The following ATP10B variants were observed in gnomAD, a reference collection of about 807,000 sequenced individuals.
The protein encoded by ATP10B is ATPase phospholipid transporting 10B (putative), also known as phospholipid-transporting ATPase VB.
In ATP10B, 122 loss-of-function variants were observed where a neutral mutation model predicts 141.2. The observed-to-expected ratio is 0.86, with a 90% CI of 0.75 to 1.00. The LOEUF (loss-of-function observed/expected upper bound fraction) is 1.00. Ranked by LOEUF, ATP10B falls within the 50% of genes least tolerant of loss-of-function variation. The pLI, the probability that ATP10B is intolerant of heterozygous loss-of-function variation, is 0.00. For synonymous variants in ATP10B, 685 were observed against 692.0 expected (o/e 0.99, Z 0.16); for missense variants, 1,876 against 1,825.3 (o/e 1.03, Z -0.51).
the ATP10B span, among the ~76,000 whole-genome samples, chr5:160,861,629 ACATT>A: frequency 6.6e-6 from 1 of 151,856 alleles, no homozygotes; most frequent in African/African-American, 2.4e-5. Context: ...GCAGTAGAAG[ACATT>A]CATAATTATT....
chr5:160,863,415 T>C, the ATP10B span, among the ~76,000 whole-genome samples: 1 of 151,702 alleles, frequency 6.6e-6, no homozygotes, highest in African/African-American at 2.4e-5. Context: ...TGTTAAAAAG[T>C]AACAAGAGAC....
At chr5:160,607,915 A>G (rs979225252) in intron 18 of ATP10B, among the ~76,000 whole-genome samples, 1 of 152,136 alleles carries the variant, frequency 6.6e-6, no homozygotes, top group African/African-American at 2.4e-5. Flanking sequence ...CATGGCAGAA[A>G]ACAGCATTAT....
intron 1 of ATP10B, among the ~76,000 whole-genome samples, chr5:160,827,372 C>G (rs1026962931): frequency 6.6e-6 from 1 of 152,124 alleles, no homozygotes; most frequent in Non-Finnish European, 1.5e-5. Flanking sequence ...GAGATGGTAT[C>G]TAATTGTGGT....
At chr5:160,831,111 CTTTT>C (rs11300815) in intron 1 of ATP10B, among the ~76,000 whole-genome samples, 2 of 149,748 alleles carry the variant, frequency 1.3e-5, no homozygotes, top group African/African-American at 4.9e-5. Context: ...TTTCAACACG[CTTTT>C]TTTTTTTCTT....
chr5:160,722,531 C>G (rs1766062782), intron 2 of ATP10B, among the ~76,000 whole-genome samples: 1 of 152,048 alleles, frequency 6.6e-6, no homozygotes, highest in South Asian at 2.1e-4. Flanking sequence ...AGCCTTTCTG[C>G]TGGCAGCAAG....
chr5:160,755,009 A>T (rs1346664849), intron 2 of ATP10B, among the ~76,000 whole-genome samples: 1 of 152,238 alleles, frequency 6.6e-6, no homozygotes, highest in Non-Finnish European at 1.5e-5. Context: ...TCACACTGCT[A>T]TATCTGTATT....
chr5:160,770,468 A>G (rs1769811234), intron 2 of ATP10B, among the ~76,000 whole-genome samples: 1 of 152,144 alleles, frequency 6.6e-6, no homozygotes, highest in Admixed American at 6.6e-5. Flanking sequence ...GGCTTAATTT[A>G]AAAATCAGAT....
intron 13 of ATP10B, among the ~76,000 whole-genome samples, chr5:160,631,566 T>C (rs1758942219): frequency 6.6e-6 from 1 of 152,266 alleles, no homozygotes; most frequent in Non-Finnish European, 1.5e-5. Flanking sequence ...AACTTATTTT[T>C]GATCACCAAA....
the ATP10B span, among the ~76,000 whole-genome samples, chr5:160,871,443 G>A: frequency 1.3e-4 from 20 of 152,050 alleles, no homozygotes; most frequent in Non-Finnish European, 2.8e-4. Context: ...GGTGATGTGT[G>A]AGATTTTGGT....
Position 160,760,476 on chromosome 5 carries a change from T to A in ATP10B, c.-331+25083A>T, listed in dbSNP as rs374630141. On this transcript the variant is annotated intron_variant, in intron 2 of 25. Coordinates refer to ENST00000327245, the MANE Select transcript of ATP10B (RefSeq NM_025153.3). ...CAAAGTTCCCCGTTCTTTTGGATTA[T>A]ATGCTACAGTAAAATTTTCTAAGAA... Among the ~76,000 whole-genome samples the A allele has an allele frequency of 7.4e-4, 112 of 152,368 alleles. 2 individuals are homozygous for A. The South Asian group carries it at 0.014, about 19-fold the overall frequency.
chr5:160,706,084 T>G (rs1202797362), intron 3 of ATP10B, among the ~76,000 whole-genome samples: 1 of 152,210 alleles, frequency 6.6e-6, no homozygotes, highest in Non-Finnish European at 1.5e-5. Context: ...AGATTAAGTT[T>G]GCCACCTTAC....
chr5:160,749,040 A>T (rs998506359), intron 2 of ATP10B, among the ~76,000 whole-genome samples: 5 of 152,152 alleles, frequency 3.3e-5, no homozygotes, highest in Non-Finnish European at 7.4e-5. Flanking sequence ...CAACACCACA[A>T]CCTAGTAAAT....
At chr5:160,574,910 TATC>T (rs1463744833) in intron 24 of ATP10B, among the ~76,000 whole-genome samples, 1 of 151,992 alleles carries the variant, frequency 6.6e-6, no homozygotes, top group African/African-American at 2.4e-5. Flanking sequence ...GTCTTAGACT[TATC>T]AGCCCCTAGA....
chr5:160,778,511 A>G lies in ATP10B; in HGVS notation c.-331+7048T>C, dbSNP rs532269852. 8.5e-5 allele frequency among the ~76,000 whole-genome samples: 13 copies of G among 152,336 alleles called. No homozygotes were observed. In the South Asian group the frequency reaches 2.7e-3, roughly 32 times the overall value. ...CCCCCTCTTTTTTAAGTATCTGGGC[A>G]GCAGAAGCATCCAACTCTATCCCAT... On this transcript the variant is annotated intron_variant, in intron 2 of 25. Transcript: ENST00000327245.
intron 1 of ATP10B, among the ~76,000 whole-genome samples, chr5:160,843,922 ATAAT>A (rs1478810958): frequency 3.3e-5 from 5 of 152,186 alleles, no homozygotes; most frequent in South Asian, 2.1e-4. Flanking sequence ...CTCATTTTTA[ATAAT>A]TACTCATTTT....
At chr5:160,807,415 A>G (rs1365062139) in intron 1 of ATP10B, among the ~76,000 whole-genome samples, 1 of 152,198 alleles carries the variant, frequency 6.6e-6, no homozygotes, top group Non-Finnish European at 1.5e-5. Flanking sequence ...CTGTGCTTTG[A>G]GATGCTGAGC....
intron 7 of ATP10B, among the ~76,000 whole-genome samples, chr5:160,652,764 A>G (rs1760860904): frequency 9.1e-6 from 1 of 109,490 alleles, no homozygotes; most frequent in Admixed American, 1.2e-4. Context: ...TACATATTAT[A>G]TACATAAATA....
At chr5:160,570,960 T>C (rs377070486) in intron 24 of ATP10B, among the ~76,000 whole-genome samples, 1 of 152,232 alleles carries the variant, frequency 6.6e-6, no homozygotes, top group South Asian at 2.1e-4. Context: ...CACTTGTTCT[T>C]CCTTAGAAGG....
At chr5:160,871,909 C>A in the ATP10B span, among the ~76,000 whole-genome samples, 1 of 152,034 alleles carries the variant, frequency 6.6e-6, no homozygotes, top group Admixed American at 6.6e-5. Context: ...GTGTAGACAT[C>A]CAGCAGTGGG....
Sources: gnomAD v4.1 joint callset for allele counts (sites outside exome capture counted in the v4.1 genomes callset) on GRCh38, gnomAD v4.1.1 for gene constraint, MANE v1.5 for transcripts, NCBI Gene and HGNC (gene_info 2026-07-23, HGNC 2026-07-21) for gene names.